IMPA2: variants seen among roughly 807,000 people sequenced by gnomAD.
IMPA2 encodes the protein IMP 2.
Under a neutral mutation model 35.1 loss-of-function variants are expected in IMPA2, and 32 were observed. The observed-to-expected ratio is 0.91, with a 90% confidence interval of 0.69 to 1.23. The LOEUF (loss-of-function observed/expected upper bound fraction) is 1.23. Ranked by LOEUF, IMPA2 falls within the 50% of genes most tolerant of loss-of-function variation. The pLI is 0.00. For synonymous variants in IMPA2, 135 were observed against 160.6 expected (o/e 0.84, Z 1.20); for missense variants, 334 against 387.6 (o/e 0.86, Z 1.16).
intron 5 of IMPA2, among the ~76,000 whole-genome samples, chr18:12,024,299 T>C (rs928328633): frequency 6.6e-6 from 1 of 152,114 alleles, no homozygotes; most frequent in Admixed American, 6.5e-5. Flanking sequence ...GCCTGACCAA[T>C]ATGGTGAAAC....
Position 11,995,888 on chromosome 18 carries a change from T to C in IMPA2, c.97-3166T>C, listed in dbSNP as rs562601981. On this transcript the variant is annotated intron_variant, in intron 1 of 7. Coordinates refer to ENST00000269159, the MANE Select transcript of IMPA2 (RefSeq NM_014214.3). ...TTATTCATTCTTTCAAAGAACTCTGTGTACCTGCTGTATGTGTATCTGCTG... is the reference window on the plus strand; with the variant it reads ...TTATTCATTCTTTCAAAGAACTCTGCGTACCTGCTGTATGTGTATCTGCTG... Among the ~76,000 whole-genome samples the C allele has an allele frequency of 3.9e-5, 6 of 152,322 alleles. No homozygotes were observed. The East Asian group carries it at 1.2e-3, about 29-fold the overall frequency.
Position 12,030,481 on chromosome 18 carries a change from C to T in IMPA2, c.*23C>T. The T allele has an allele frequency of 6.3e-7, 1 of 1,592,562 alleles. No individual in the cohort carries two copies. Among genetic ancestry groups the T allele is most frequent in the Non-Finnish European group, 8.6e-7 (1 of 1,160,424 alleles). ...TGACTGCGGCTGAGGCAAAGCTGCT[C>T]CCAAGGCCTCCCTGGGCTGCTGTGG... On this transcript the variant is annotated 3_prime_UTR_variant, in exon 8 of 8. Coordinates refer to ENST00000269159, the MANE Select transcript of IMPA2 (RefSeq NM_014214.3).
At chr18:11,996,589 C>G (rs545270466) in intron 1 of IMPA2, among the ~76,000 whole-genome samples, 72 of 152,234 alleles carry the variant, frequency 4.7e-4, no homozygotes, top group African/African-American at 1.6e-3. Context: ...ACATCCTGGT[C>G]TCCTAGTGGC....
At chr18:11,987,416 T>C (rs58556096) in intron 1 of IMPA2, among the ~76,000 whole-genome samples, 16,144 of 152,190 alleles carry the variant, frequency 0.11, 1,045 homozygotes, top group East Asian at 0.28. Context: ...TCAAAACCTC[T>C]GCCTCCCGAG....
Position 12,030,488 on chromosome 18 carries a change from C to G in IMPA2, c.*30C>G, listed in dbSNP as rs370961806. The G allele has an allele frequency of 6.4e-7, 1 of 1,563,714 alleles. No individual in the cohort carries two copies. The highest frequency in any genetic ancestry group is 8.8e-7 in the Non-Finnish European group (1 of 1,134,210). The stretch of plus-strand genomic sequence containing the variant: ...GGCTGAGGCAAAGCTGCTCCCAAGG[C>G]CTCCCTGGGCTGCTGTGGGCTCCTG... On this transcript the variant is annotated 3_prime_UTR_variant, in exon 8 of 8. Coordinates refer to ENST00000269159, the MANE Select transcript of IMPA2 (RefSeq NM_014214.3).
intron 2 of IMPA2, among the ~76,000 whole-genome samples, chr18:12,009,379 C>T (rs972276234): frequency 1.3e-5 from 2 of 152,164 alleles, no homozygotes; most frequent in Admixed American, 6.6e-5. Context: ...TCACCTGTGT[C>T]TGCAGTTCAG....
intron 1 of IMPA2, among the ~76,000 whole-genome samples, chr18:11,994,595 G>A (rs1026415927): frequency 6.6e-6 from 1 of 152,232 alleles, no homozygotes; most frequent in Non-Finnish European, 1.5e-5. Context: ...ATACCAGTGA[G>A]CTTCGATAAG....
At chr18:12,022,319 G>T (rs938114981) in intron 5 of IMPA2, among the ~76,000 whole-genome samples, 11 of 151,976 alleles carry the variant, frequency 7.2e-5, no homozygotes, top group African/African-American at 2.4e-4. Context: ...ATCAGTTGAG[G>T]TCAGGAGTTC....
chr18:12,030,212 C>T lies in IMPA2; in HGVS notation c.752-131C>T, dbSNP rs1399457531. ...TCACTCCTAGACCACCTGTTTAATA[C>T]GAGTGTTGGGGCTTGGGCACGGTTC... is the stretch of plus-strand genomic sequence containing the variant. On this transcript the variant is annotated intron_variant, in intron 7 of 7. Coordinates refer to ENST00000269159, the MANE Select transcript of IMPA2 (RefSeq NM_014214.3). 30 of 675,420 alleles carry T rather than the reference C, an allele frequency of 4.4e-5. No individual in the cohort carries two copies. In the East Asian group the frequency reaches 4.9e-4, roughly 11 times the overall value. 41.8% of individuals were successfully genotyped at this position (675,420 alleles called of 1,614,324 possible).
In IMPA2 at chr18:11,995,830, G is replaced by T. The variant is rs186555194; in HGVS notation, c.97-3224G>T. 2.0e-5 allele frequency among the ~76,000 whole-genome samples: 3 copies of T among 152,300 alleles called. No homozygotes were observed. In the East Asian group the frequency reaches 5.8e-4, roughly 29 times the overall value. ...CACTAGTGTTCCCGTTTGGAAAAAT[G>T]TTACAGTCTATTCAAGCAGCCCAAT... On this transcript the variant is annotated intron_variant, in intron 1 of 7. Transcript: ENST00000269159.
rs139798129 is a variant in IMPA2, at chr18:12,011,324, C to G, written c.336-846C>G. On this transcript the variant is annotated intron_variant, in intron 3 of 7. Transcript: ENST00000269159. ...GTGGTCTGAAGACATCCGAAAGCCA[C>G]CAGCATCTGCCACTCAGATGGCGCC... Among the ~76,000 whole-genome samples, 28 of 152,324 alleles carry G rather than the reference C, an allele frequency of 1.8e-4. No individual in the cohort carries two copies. The East Asian group carries it at 2.7e-3, about 15-fold the overall frequency.
At chr18:11,981,851 G>A in intron 1 of IMPA2, 86 bp downstream of exon 1, 1 of 955,966 alleles carries the variant, frequency 1.0e-6, no homozygotes, top group Non-Finnish European at 1.4e-6. Context: ...GGGTCCTGGC[G>A]CGCAGCCGGC....
intron 5 of IMPA2, among the ~76,000 whole-genome samples, chr18:12,027,044 T>C (rs1907898206): frequency 2.0e-5 from 3 of 152,208 alleles, no homozygotes; most frequent in South Asian, 4.1e-4. Flanking sequence ...AATTTGAAAG[T>C]GGTGACACAG....
intron 5 of IMPA2, among the ~76,000 whole-genome samples, chr18:12,027,338 G>A (rs1206620214): frequency 2.0e-5 from 3 of 152,152 alleles, no homozygotes; most frequent in Non-Finnish European, 4.4e-5. Context: ...TTACATAAAC[G>A]GCAGGCCATG....
At chr18:12,004,917 C>A (rs1907210917) in intron 2 of IMPA2, among the ~76,000 whole-genome samples, 1 of 152,206 alleles carries the variant, frequency 6.6e-6, no homozygotes, top group African/African-American at 2.4e-5. Flanking sequence ...GCAGAGCAGA[C>A]TCTCCCCACT....
chr18:11,999,277 T>G, intron 2 of IMPA2, 90 bp downstream of exon 2: 19 of 1,301,718 alleles, frequency 1.5e-5, no homozygotes, highest in Non-Finnish European at 2.0e-5. Flanking sequence ...GGCTCTGCTG[T>G]TTGTTGATGT....
chr18:12,021,075 T>G (rs1471055176), intron 5 of IMPA2, among the ~76,000 whole-genome samples: 4 of 152,192 alleles, frequency 2.6e-5, no homozygotes, highest in East Asian at 3.9e-4. Flanking sequence ...CCCTCTTCAT[T>G]GTTTTTGTGA....
chr18:11,983,402 G>C (rs955887949), intron 1 of IMPA2, among the ~76,000 whole-genome samples: 5 of 152,220 alleles, frequency 3.3e-5, no homozygotes, highest in African/African-American at 1.2e-4. Context: ...TGAAAAGCCA[G>C]CTTAGGATTC....
chr18:12,005,189 G>A (rs1907217743), intron 2 of IMPA2, among the ~76,000 whole-genome samples: 1 of 152,350 alleles, frequency 6.6e-6, no homozygotes, highest in African/African-American at 2.4e-5. Context: ...CCACCTTGTA[G>A]GCGGGCAGGC....
Sources: allele counts gnomAD v4.1 joint callset (sites outside exome capture counted in the v4.1 genomes callset), GRCh38; gene constraint gnomAD v4.1.1; transcripts MANE v1.5; gene names NCBI Gene and HGNC (gene_info 2026-07-23, HGNC 2026-07-21).